The following WNT1 variants were observed in gnomAD, a reference collection of about 807,000 sequenced individuals.
WNT1 encodes Wnt family member 1.
A neutral mutation model predicts 21.3 loss-of-function variants in WNT1; 10 were observed. That is an observed-to-expected ratio of 0.47 (90% CI 0.29 to 0.80). The LOEUF is 0.80. WNT1 is among the 30% of genes least tolerant of loss of function. The pLI, the probability that WNT1 is intolerant of heterozygous loss-of-function variation, is 0.09. For missense variants in WNT1, 476 were observed against 534.1 expected, an observed-to-expected ratio of 0.89 and a Z score of 1.07; for synonymous variants, 208 against 236.3, an observed-to-expected ratio of 0.88 and a Z score of 1.10.
Position 48,979,384 on chromosome 12 carries a change from C to A in WNT1, c.105-84C>A, listed in dbSNP as rs1164613817. 11 of 1,488,866 alleles carry A rather than the reference C, an allele frequency of 7.4e-6. No individual in the cohort carries two copies. The highest frequency in any genetic ancestry group is 9.9e-6 in the Non-Finnish European group (11 of 1,111,986). 92.2% of individuals were successfully genotyped at this position (1,488,866 alleles called of 1,614,324 possible). On this transcript the variant is annotated intron_variant, in intron 1 of 3. Coordinates refer to ENST00000293549, the MANE Select transcript of WNT1 (RefSeq NM_005430.4). The surrounding 1 kb of genome is among the most constrained non-coding windows in gnomAD (Gnocchi z 6.0). ...CGCCATTCTCTCCAGCCACATACCC[C>A]CAGGAAGAGGACCGGGTGGCACAGT...
rs1565721212 is a variant in WNT1, at chr12:48,979,742, C to T, written c.358+21C>T. ...CCGAGGTGGGTGCCCAGGAAGGCGA[C>T]GCTTCCGGGAGCAGGGGAAACGCGG... On this transcript the variant is annotated intron_variant, in intron 2 of 3. Coordinates refer to ENST00000293549, the MANE Select transcript of WNT1 (RefSeq NM_005430.4). The surrounding 1 kb of genome is among the most constrained non-coding windows in gnomAD (Gnocchi z 6.0). 5.1e-6 allele frequency: 8 copies of T among 1,565,726 alleles called. No individual in the cohort carries two copies. The South Asian group carries it at 9.3e-5, about 18-fold the overall frequency.
rs1282676254 is a variant in WNT1 at position 48,978,443 on chromosome 12, A to G, written c.-208A>G. On this transcript the variant is annotated 5_prime_UTR_variant, in exon 1 of 4. Transcript: ENST00000293549. The surrounding 1 kb of genome is among the most constrained non-coding windows in gnomAD (Gnocchi z 7.4). ...TCCCGTCACTTCAGCCAGCGCCGCA[A>G]CTATAAGAGGCGGTGCCGCCCGCCG... The G allele has an allele frequency of 1.7e-6, 1 of 578,012 alleles. No individual in the cohort carries two copies. 35.8% of individuals were successfully genotyped at this position (578,012 alleles called of 1,614,324 possible). A position where few individuals can be genotyped will look rare whatever the true frequency, so the allele number is the denominator to read the frequency against.
chr12:48,981,026 C>T lies in WNT1; in HGVS notation c.625-126C>T. 6.9e-7 allele frequency: 1 copy of T among 1,450,794 alleles called. No individual in the cohort carries two copies. The highest frequency in any genetic ancestry group is 2.5e-5 in the East Asian group (1 of 39,940). 89.9% of individuals were successfully genotyped at this position (1,450,794 alleles called of 1,614,324 possible). On this transcript the variant is annotated intron_variant, in intron 3 of 3. Coordinates refer to ENST00000293549, the MANE Select transcript of WNT1 (RefSeq NM_005430.4). This position sits in a 1 kb window ranked among gnomAD's most constrained non-coding sequence, Gnocchi z 7.4. ...CGGAACATTTCGCGCCTCCCTTCCC[C>T]TGGGCTCAGCTAGGCCTGGGCCTTT...
chr12:48,979,601 C>A lies in WNT1; in HGVS notation c.238C>A (p.His80Asn), dbSNP rs1276338966. 1 of 1,614,016 alleles carries A rather than the reference C, an allele frequency of 6.2e-7. No individual in the cohort carries two copies. Among genetic ancestry groups the A allele is most frequent in the Non-Finnish European group, 8.5e-7 (1 of 1,180,050 alleles). Reference sequence around the variant, plus strand: ...GATACGCCAAAATCCGGGGATCCTGCACAGCGTGAGTGGGGGGCTGCAGAG... The same window carrying A: ...GATACGCCAAAATCCGGGGATCCTGAACAGCGTGAGTGGGGGGCTGCAGAG... ...RLIRQNPGIL[H>N]SVSGGLQSAV... is the part of the protein sequence containing the mutation. The change falls in exon 2 of 4, where the codon CAC becomes AAC. Residue 80 changes from histidine (H) to asparagine (N), a missense_variant. Physicochemically the swap from His to Asn is moderately conservative, Grantham distance 68 (BLOSUM62 1). Coordinates refer to ENST00000293549, the MANE Select transcript of WNT1 (RefSeq NM_005430.4). The surrounding 1 kb of genome is among the most constrained non-coding windows in gnomAD (Gnocchi z 6.0).
Position 48,978,695 on chromosome 12 carries a change from G to T in WNT1, c.45G>T (p.Leu15=). 1 of 1,603,836 alleles carries T rather than the reference G, an allele frequency of 6.2e-7. No homozygotes were observed. Residue 15 remains leucine (L), a synonymous_variant, in exon 1 of 4, where the codon CTG becomes CTT. Transcript: ENST00000293549. The surrounding 1 kb of genome is among the most constrained non-coding windows in gnomAD (Gnocchi z 7.4). ...ALLPGWVSAT[L]LLALAALPAA... is the part of the protein sequence containing the mutation. ...TGCCTGGCTGGGTTTCTGCTACGCT[G>T]CTGCTGGCGCTGGCCGCTCTGCCCG...
rs1239304141 is a variant in WNT1, at chr12:48,981,166, G to T, written c.639G>T (p.Glu213Asp). The T allele has an allele frequency of 1.9e-6, 3 of 1,612,132 alleles. No individual in the cohort carries two copies. The highest frequency in any genetic ancestry group is 2.5e-6 in the Non-Finnish European group (3 of 1,179,618). Residue 213 changes from glutamate to aspartate, a missense_variant, in exon 4 of 4, where the codon GAG becomes GAT. Coordinates refer to ENST00000293549, the MANE Select transcript of WNT1 (RefSeq NM_005430.4). This position sits in a 1 kb window ranked among gnomAD's most constrained non-coding sequence, Gnocchi z 7.4. ...NEAGRTTVFSEMRQECKCHGM... is the reference protein window; with the variant it reads ...NEAGRTTVFSDMRQECKCHGM... The stretch of plus-strand genomic sequence containing the variant: ...TATCCCCGCAGACCGTATTCTCCGA[G>T]ATGCGCCAGGAGTGCAAGTGCCACG...
At position 48,979,367 on chromosome 12, in the gene WNT1, T is replaced by C. The variant is rs368791029; in HGVS notation, c.105-101T>C. On this transcript the variant is annotated intron_variant, in intron 1 of 3. Coordinates refer to ENST00000293549, the MANE Select transcript of WNT1 (RefSeq NM_005430.4). The surrounding 1 kb of genome is among the most constrained non-coding windows in gnomAD (Gnocchi z 6.0). Reference sequence around the variant, plus strand: ...GGGTATTATTAATCTCCCGCCATTCTCTCCAGCCACATACCCCCAGGAAGA... The same window carrying C: ...GGGTATTATTAATCTCCCGCCATTCCCTCCAGCCACATACCCCCAGGAAGA... 1.5e-5 allele frequency: 21 copies of C among 1,419,766 alleles called. No individual in the cohort carries two copies. The South Asian group carries it at 1.8e-4, about 12-fold the overall frequency. The allele number at this position is 1,419,766 out of a possible 1,614,324, so 87.9% of individuals were successfully genotyped here.
In WNT1 at chr12:48,978,862, C is replaced by G. The variant is rs376651880; in HGVS notation, c.104+108C>G. ...TCCGTCTGCCGACAGGCTCCCTCCCCGCTCTGACTTCCCTCCGCGACACCG... is the reference window on the plus strand; with the variant it reads ...TCCGTCTGCCGACAGGCTCCCTCCCGGCTCTGACTTCCCTCCGCGACACCG... On this transcript the variant is annotated intron_variant, in intron 1 of 3. Transcript: ENST00000293549. The surrounding 1 kb of genome is among the most constrained non-coding windows in gnomAD (Gnocchi z 7.4). 5 of 753,958 alleles carry G rather than the reference C, an allele frequency of 6.6e-6. No individual in the cohort carries two copies. Among genetic ancestry groups the G allele is most frequent in the African/African-American group, 5.4e-5 (3 of 55,822 alleles). The allele number at this position is 753,958 out of a possible 1,614,324, so 46.7% of individuals were successfully genotyped here. A position where few individuals can be genotyped will look rare whatever the true frequency, so the allele number is the denominator to read the frequency against.
rs1592257482 is a variant in WNT1 at position 48,980,641 on chromosome 12, G to A, written c.576G>A (p.Arg192=). Residue 192 remains arginine (R), a synonymous_variant, in exon 3 of 4, where the codon CGG becomes CGA. Coordinates refer to ENST00000293549, the MANE Select transcript of WNT1 (RefSeq NM_005430.4). The surrounding 1 kb of genome is among the most constrained non-coding windows in gnomAD (Gnocchi z 7.0). ...REFVDSGEKG[R]DLRFLMNLHN... is the part of the protein sequence containing the mutation. ...TCGTGGACTCCGGGGAGAAGGGGCG[G>A]GACCTGCGCTTCCTCATGAACCTTC... The A allele has an allele frequency of 6.3e-7, 1 of 1,589,944 alleles. No individual in the cohort carries two copies. Among genetic ancestry groups the A allele is most frequent in the Non-Finnish European group, 8.6e-7 (1 of 1,168,290 alleles).
At position 48,980,666 on chromosome 12, in the gene WNT1, CACA is replaced by C; in HGVS notation, c.607_609del (p.Asn203del). On this transcript the variant is annotated inframe_deletion, in exon 3 of 4. Transcript: ENST00000293549. This position sits in a 1 kb window ranked among gnomAD's most constrained non-coding sequence, Gnocchi z 7.0. ...GGACCTGCGCTTCCTCATGAACCTT[CACA>C]ACAACGAGGCAGGCCGTACGGTGAG... 2 of 1,566,048 alleles carry C rather than the reference CACA, an allele frequency of 1.3e-6. No individual in the cohort carries two copies. The highest frequency in any genetic ancestry group is 1.4e-5 in the African/African-American group (1 of 73,398).
rs1025189952 is a variant in WNT1 at position 48,981,716 on chromosome 12, C to CG, written c.*78dup. 1 of 1,401,278 alleles carries CG rather than the reference C, an allele frequency of 7.1e-7. No individual in the cohort carries two copies. Among genetic ancestry groups the CG allele is most frequent in the East Asian group, 2.8e-5 (1 of 35,648 alleles). 86.8% of individuals were successfully genotyped at this position (1,401,278 alleles called of 1,614,324 possible). A position where few individuals can be genotyped will look rare whatever the true frequency, so the allele number is the denominator to read the frequency against. On this transcript the variant is annotated 3_prime_UTR_variant, in exon 4 of 4. Transcript: ENST00000293549. The surrounding 1 kb of genome is among the most constrained non-coding windows in gnomAD (Gnocchi z 7.4). Reference sequence around the variant, plus strand: ...AACAGACTCGCTAGCACTCAAGACCCGGTTATTCGCCCACCCGAGTACCTC... The same window carrying CG: ...AACAGACTCGCTAGCACTCAAGACCCGGGTTATTCGCCCACCCGAGTACCTC...
At position 48,979,898 on chromosome 12, in the gene WNT1, C is replaced by T. The variant is rs887866570; in HGVS notation, c.358+177C>T. Among the ~76,000 whole-genome samples the T allele has an allele frequency of 6.6e-6, 1 of 152,234 alleles. No individual in the cohort carries two copies. Among genetic ancestry groups the T allele is most frequent in the Non-Finnish European group, 1.5e-5 (1 of 68,040 alleles). ...GGGCCAGACTTCTACCAGGCGTTTTCCAGCCGTGCACCCTGGAAACGAAGC... is the reference window on the plus strand; with the variant it reads ...GGGCCAGACTTCTACCAGGCGTTTTTCAGCCGTGCACCCTGGAAACGAAGC... On this transcript the variant is annotated intron_variant, in intron 2 of 3. Coordinates refer to ENST00000293549, the MANE Select transcript of WNT1 (RefSeq NM_005430.4). The surrounding 1 kb of genome is among the most constrained non-coding windows in gnomAD (Gnocchi z 6.0).
rs890991785 is a variant in WNT1, at chr12:48,979,070, G to C, written c.104+316G>C. ...CTCACCACAGGTTTCCCCACCTCGG[G>C]AAGTGAAGGGCCAGGAGTTCGCCTA... On this transcript the variant is annotated intron_variant, in intron 1 of 3. Transcript: ENST00000293549. This position sits in a 1 kb window ranked among gnomAD's most constrained non-coding sequence, Gnocchi z 6.0. Among the ~76,000 whole-genome samples, 1 of 152,254 alleles carries C rather than the reference G, an allele frequency of 6.6e-6. No homozygotes were observed. Among genetic ancestry groups the C allele is most frequent in the African/African-American group, 2.4e-5 (1 of 41,458 alleles).
At position 48,981,801 on chromosome 12, in the gene WNT1, A is replaced by T; in HGVS notation, c.*161A>T. 9.5e-7 allele frequency: 1 copy of T among 1,052,128 alleles called. No homozygotes were observed. Among genetic ancestry groups the T allele is most frequent in the Non-Finnish European group, 1.3e-6 (1 of 777,316 alleles). The allele number at this position is 1,052,128 out of a possible 1,614,324, so 65.2% of individuals were successfully genotyped here. A position where few individuals can be genotyped will look rare whatever the true frequency, so the allele number is the denominator to read the frequency against. On this transcript the variant is annotated 3_prime_UTR_variant, in exon 4 of 4. Coordinates refer to ENST00000293549, the MANE Select transcript of WNT1 (RefSeq NM_005430.4). This position sits in a 1 kb window ranked among gnomAD's most constrained non-coding sequence, Gnocchi z 7.4. ...CTCTCCCACTTCCTCCTACCTGGGG[A>T]CTCCTCAAACCACTTGCCTGGGGCG...
In WNT1 at chr12:48,979,819, C is replaced by CT. The variant is rs1277473653; in HGVS notation, c.358+99dup. 3.8e-5 allele frequency: 55 copies of CT among 1,432,772 alleles called. No individual in the cohort carries two copies. In the East Asian group the frequency reaches 1.3e-3, roughly 33 times the overall value. The allele number at this position is 1,432,772 out of a possible 1,614,324, so 88.8% of individuals were successfully genotyped here. ...AGTTCAGAGAAGGTGTCCCAGGCGC[C>CT]TGGAGGGTCACACAATCAACCTTGC... On this transcript the variant is annotated intron_variant, in intron 2 of 3. Transcript: ENST00000293549. This position sits in a 1 kb window ranked among gnomAD's most constrained non-coding sequence, Gnocchi z 6.0.
At position 48,981,678 on chromosome 12, in the gene WNT1, G is replaced by A. The variant is rs1464855450; in HGVS notation, c.*38G>A. ...ACTCGCCCCCAGGAACGCTCTCCTC[G>A]AGCCCTCCCCCAAACAGACTCGCTA... is the stretch of plus-strand genomic sequence containing the variant. On this transcript the variant is annotated 3_prime_UTR_variant, in exon 4 of 4. Transcript: ENST00000293549. This position sits in a 1 kb window ranked among gnomAD's most constrained non-coding sequence, Gnocchi z 7.4. The A allele has an allele frequency of 2.8e-6, 4 of 1,423,280 alleles. No homozygotes were observed. Among genetic ancestry groups the A allele is most frequent in the Admixed American group, 2.9e-5 (1 of 34,642 alleles). 88.2% of individuals were successfully genotyped at this position (1,423,280 alleles called of 1,614,324 possible).
At position 48,981,662 on chromosome 12, in the gene WNT1, C is replaced by T; in HGVS notation, c.*22C>T. On this transcript the variant is annotated 3_prime_UTR_variant, in exon 4 of 4. Transcript: ENST00000293549. The surrounding 1 kb of genome is among the most constrained non-coding windows in gnomAD (Gnocchi z 7.4). ...GTGAGGCGCTGCGCGGACTCGCCCCCAGGAACGCTCTCCTCGAGCCCTCCC... is the reference window on the plus strand; with the variant it reads ...GTGAGGCGCTGCGCGGACTCGCCCCTAGGAACGCTCTCCTCGAGCCCTCCC... 2 of 1,427,000 alleles carry T rather than the reference C, an allele frequency of 1.4e-6. No homozygotes were observed. Among genetic ancestry groups the T allele is most frequent in the East Asian group, 2.7e-5 (1 of 37,132 alleles). The allele number at this position is 1,427,000 out of a possible 1,614,324, so 88.4% of individuals were successfully genotyped here. A position where few individuals can be genotyped will look rare whatever the true frequency, so the allele number is the denominator to read the frequency against.
At position 48,979,824 on chromosome 12, in the gene WNT1, G is replaced by A. The variant is rs1940986795; in HGVS notation, c.358+103G>A. On this transcript the variant is annotated intron_variant, in intron 2 of 3. Transcript: ENST00000293549. The surrounding 1 kb of genome is among the most constrained non-coding windows in gnomAD (Gnocchi z 6.0). ...AGAGAAGGTGTCCCAGGCGCCTGGA[G>A]GGTCACACAATCAACCTTGCCAAGT... is the stretch of plus-strand genomic sequence containing the variant. The A allele has an allele frequency of 7.0e-7, 1 of 1,424,986 alleles. No individual in the cohort carries two copies. Among genetic ancestry groups the A allele is most frequent in the East Asian group, 2.5e-5 (1 of 39,984 alleles). 88.3% of individuals were successfully genotyped at this position (1,424,986 alleles called of 1,614,324 possible).
In WNT1 at chr12:48,979,339, A is replaced by C. The variant is rs973074545; in HGVS notation, c.105-129A>C. ...TCTTTCAAATTAGTGAGCCTGGGAGAGCGGGTATTATTAATCTCCCGCCAT... is the reference window on the plus strand; with the variant it reads ...TCTTTCAAATTAGTGAGCCTGGGAGCGCGGGTATTATTAATCTCCCGCCAT... On this transcript the variant is annotated intron_variant, in intron 1 of 3. Coordinates refer to ENST00000293549, the MANE Select transcript of WNT1 (RefSeq NM_005430.4). The surrounding 1 kb of genome is among the most constrained non-coding windows in gnomAD (Gnocchi z 6.0). 13 of 1,225,528 alleles carry C rather than the reference A, an allele frequency of 1.1e-5. No homozygotes were observed. The highest frequency in any genetic ancestry group is 1.5e-5 in the Non-Finnish European group (13 of 888,428). The allele number at this position is 1,225,528 out of a possible 1,614,324, so 75.9% of individuals were successfully genotyped here.
Sources: allele counts gnomAD v4.1 joint callset (sites outside exome capture counted in the v4.1 genomes callset), GRCh38; gene constraint gnomAD v4.1.1; non-coding constraint Gnocchi (gnomAD v3.1); transcripts MANE v1.5; gene names NCBI Gene and HGNC (gene_info 2026-07-23, HGNC 2026-07-21).